Variants in FARS2 observed in about 807,000 individuals in gnomAD.
The protein encoded by FARS2 is phenylalanyl-tRNA synthetase 2, mitochondrial, also known as phenylalanine--tRNA ligase, mitochondrial.
In FARS2, 40 loss-of-function variants were observed where a neutral mutation model predicts 46.4. The ratio of observed to expected loss-of-function variants is 0.86; its 90% confidence interval spans 0.67 to 1.12. The LOEUF (loss-of-function observed/expected upper bound fraction) is 1.12, where lower values mean the gene tolerates loss of function less well. Ranked by LOEUF, FARS2 falls within the 50% of genes most tolerant of loss-of-function variation. The pLI is 0.00. For missense variants in FARS2, 513 were observed against 567.9 expected (o/e 0.90, Z 0.98); for synonymous variants, 234 against 214.9 (o/e 1.09, Z -0.78).
chr6:5,347,516 G>C (rs926596983), intron 1 of FARS2, among the ~76,000 whole-genome samples: 2 of 151,974 alleles, frequency 1.3e-5, no homozygotes, highest in East Asian at 3.8e-4. Context: ...GTGTGTGTGC[G>C]TGTGTGTGTG....
intron 5 of FARS2, among the ~76,000 whole-genome samples, chr6:5,608,068 G>A (rs1326058317): frequency 6.7e-6 from 1 of 150,150 alleles, no homozygotes; most frequent in African/African-American, 2.5e-5. Context: ...AAATTTAATT[G>A]CATTGATGTC....
At chr6:5,332,803 T>G (rs1770887389) in intron 1 of FARS2, among the ~76,000 whole-genome samples, 1 of 152,200 alleles carries the variant, frequency 6.6e-6, no homozygotes. Context: ...GCAGGACACA[T>G]AGGGCAAACG....
intron 6 of FARS2, among the ~76,000 whole-genome samples, chr6:5,762,011 G>T (rs1350182268): frequency 4.6e-5 from 7 of 152,126 alleles, no homozygotes; most frequent in African/African-American, 1.7e-4. Context: ...TTCCCAACTT[G>T]CATTTCTAGT....
intron 3 of FARS2, among the ~76,000 whole-genome samples, chr6:5,424,278 C>T (rs11757581): frequency 0.2 from 29,775 of 152,122 alleles, 3,191 homozygotes; most frequent in East Asian, 0.46. Context: ...CAACACCTAT[C>T]GAGGGCGTTT....
intron 6 of FARS2, among the ~76,000 whole-genome samples, chr6:5,647,738 C>T (rs1387625677): frequency 6.6e-6 from 1 of 152,216 alleles, no homozygotes; most frequent in Non-Finnish European, 1.5e-5. Context: ...CTAACAAAGA[C>T]AGGTTAAATG....
chr6:5,357,252 A>G (rs1348469050), intron 1 of FARS2, among the ~76,000 whole-genome samples: 1 of 152,254 alleles, frequency 6.6e-6, no homozygotes, highest in Non-Finnish European at 1.5e-5. Flanking sequence ...AGTTAAATAA[A>G]TGGTATCTTT....
intron 1 of FARS2, among the ~76,000 whole-genome samples, chr6:5,306,898 T>C (rs1262528223): frequency 6.6e-6 from 1 of 151,880 alleles, no homozygotes; most frequent in Admixed American, 6.6e-5. Flanking sequence ...TTTGAAAGGA[T>C]TAACATTTTT....
At chr6:5,399,788 C>T (rs566052612) in intron 2 of FARS2, among the ~76,000 whole-genome samples, 65 of 152,266 alleles carry the variant, frequency 4.3e-4, no homozygotes, top group African/African-American at 1.6e-3. Context: ...CATTCCATAT[C>T]AGTCCAGAGA....
chr6:5,544,004 A>T (rs1459116075), intron 4 of FARS2, among the ~76,000 whole-genome samples: 2 of 151,962 alleles, frequency 1.3e-5, no homozygotes, highest in Non-Finnish European at 2.9e-5. Flanking sequence ...TCCCCTGATC[A>T]GGATCTTACC....
Position 5,368,868 on chromosome 6 carries a change from C to A in FARS2, c.298C>A (p.Gln100Lys), listed in dbSNP as rs1428625375. Residue 100 changes from glutamine (Q) to lysine (K), a missense_variant, in exon 2 of 7, where the codon CAG becomes AAG. By Grantham distance (53) the Gln-to-Lys change is moderately conservative. Transcript: ENST00000274680. Reference protein sequence around the residue: ...KERVKEHFYKQYVGRFGTPLF... With the variant: ...KERVKEHFYKKYVGRFGTPLF... ...GAGGGTGAAGGAGCACTTCTACAAG[C>A]AGTATGTGGGCCGCTTTGGGACCCC... The A allele has an allele frequency of 5.0e-6, 8 of 1,614,048 alleles. No individual in the cohort carries two copies. Among genetic ancestry groups the A allele is most frequent in the Non-Finnish European group, 6.8e-6 (8 of 1,180,028 alleles).
chr6:5,365,800 G>A (rs1390903423), intron 1 of FARS2, among the ~76,000 whole-genome samples: 1 of 151,978 alleles, frequency 6.6e-6, no homozygotes, highest in East Asian at 1.9e-4. Context: ...CACATATTTT[G>A]TATGTTATAG....
chr6:5,734,173 A>G (rs555800764), intron 6 of FARS2, among the ~76,000 whole-genome samples: 1 of 152,210 alleles, frequency 6.6e-6, no homozygotes, highest in Non-Finnish European at 1.5e-5. Context: ...AGAATTCTAG[A>G]AAGCTAGGCT....
In FARS2 at chr6:5,339,319, T is replaced by G. The variant is rs763005656; in HGVS notation, c.-21-29231T>G. On this transcript the variant is annotated intron_variant, in intron 1 of 6. Coordinates refer to ENST00000274680, the MANE Select transcript of FARS2 (RefSeq NM_006567.5). ...CCTAATTGGCTCAAAGATAACTATATTTAAAATCATGTTTAATAATATCAG... is the reference window on the plus strand; with the variant it reads ...CCTAATTGGCTCAAAGATAACTATAGTTAAAATCATGTTTAATAATATCAG... Among the ~76,000 whole-genome samples, 4 of 152,240 alleles carry G rather than the reference T, an allele frequency of 2.6e-5. No homozygotes were observed. The South Asian group carries it at 6.2e-4, about 24-fold the overall frequency.
chr6:5,397,086 C>A (rs2432784), intron 2 of FARS2, among the ~76,000 whole-genome samples: 21 of 151,832 alleles, frequency 1.4e-4, no homozygotes, highest in Non-Finnish European at 2.9e-4. Flanking sequence ...ATCTCAAATA[C>A]GTATAAGTAA....
At chr6:5,473,025 A>G (rs1236941545) in intron 4 of FARS2, among the ~76,000 whole-genome samples, 110 of 152,210 alleles carry the variant, frequency 7.2e-4, no homozygotes, top group Non-Finnish European at 4.1e-4. Flanking sequence ...TTTGCAGTCC[A>G]TAGATATGTT....
intron 5 of FARS2, among the ~76,000 whole-genome samples, chr6:5,607,281 ATGTATGTGTGTGTGTGTGTG>A (rs1250840992): frequency 2.7e-4 from 40 of 147,492 alleles, no homozygotes; most frequent in Middle Eastern, 3.4e-3. Flanking sequence ...AAAGAATAAT[ATGTATGTGTGTGTGTGTGTG>A]TGTGTGTGTG....
chr6:5,481,238 C>T (rs1300189958), intron 4 of FARS2, among the ~76,000 whole-genome samples: 1 of 152,206 alleles, frequency 6.6e-6, no homozygotes, highest in African/African-American at 2.4e-5. Context: ...TGCCCAGGCA[C>T]ACCACATGGA....
Position 5,483,582 on chromosome 6 carries a change from G to C in FARS2, c.904+52410G>C, listed in dbSNP as rs200191. ...CTCAGGAAGCTGAGGCAAGAGCATT[G>C]CCTGAACCCAGGAGGCAGAGGTTGC... On this transcript the variant is annotated intron_variant, in intron 4 of 6. Coordinates refer to ENST00000274680, the MANE Select transcript of FARS2 (RefSeq NM_006567.5). 5.2e-3 allele frequency among the ~76,000 whole-genome samples: 798 copies of C among 152,210 alleles called. 8 individuals are homozygous for C. The highest frequency in any genetic ancestry group is 0.018 in the African/African-American group (760 of 41,510).
chr6:5,478,420 A>G (rs1476205879), intron 4 of FARS2, among the ~76,000 whole-genome samples: 1 of 152,188 alleles, frequency 6.6e-6, no homozygotes, highest in East Asian at 1.9e-4. Flanking sequence ...ATAGACAGGA[A>G]TATCATTTCC....
Sources: gnomAD v4.1 joint callset for allele counts (sites outside exome capture counted in the v4.1 genomes callset) on GRCh38, gnomAD v4.1.1 for gene constraint, MANE v1.5 for transcripts, NCBI Gene and HGNC (gene_info 2026-07-23, HGNC 2026-07-21) for gene names.